The following KLHL5 variants were observed in gnomAD, a reference collection of about 807,000 sequenced individuals.
KLHL5 encodes kelch like family member 5.
A neutral mutation model predicts 77.7 loss-of-function variants in KLHL5; 48 were observed. The observed-to-expected ratio is 0.62, with a 90% CI of 0.49 to 0.79. The LOEUF (loss-of-function observed/expected upper bound fraction) is 0.79. Among genes scored for constraint, KLHL5 ranks in the 30% least tolerant of loss-of-function variants. The pLI is 0.00. For missense variants in KLHL5, 723 were observed against 859.7 expected, an observed-to-expected ratio of 0.84 and a Z score of 1.99; for synonymous variants, 260 against 297.0, an observed-to-expected ratio of 0.88 and a Z score of 1.28.
At chr4:39,103,601 G>A in intron 7 of KLHL5, 90 bp downstream of exon 7, 2 of 990,116 alleles carry the variant, frequency 2.0e-6, no homozygotes, top group South Asian at 2.8e-5. Flanking sequence ...CCGTGTGGCA[G>A]CCACTGCGTC....
At chr4:39,119,004 A>G (rs1474237469) in intron 10 of KLHL5, among the ~76,000 whole-genome samples, 1 of 152,190 alleles carries the variant, frequency 6.6e-6, no homozygotes, top group Non-Finnish European at 1.5e-5. Context: ...ACCTAATATC[A>G]GCTTCCCACT....
chr4:39,068,536 G>A (rs1044740714), intron 1 of KLHL5, among the ~76,000 whole-genome samples: 30 of 151,942 alleles, frequency 2.0e-4, no homozygotes, highest in African/African-American at 7.2e-4. Context: ...ATCCATCAAA[G>A]TTCTTAGTTT....
chr4:39,073,669 G>A (rs1718706813), intron 1 of KLHL5, among the ~76,000 whole-genome samples: 1 of 151,604 alleles, frequency 6.6e-6, no homozygotes, highest in Non-Finnish European at 1.5e-5. Flanking sequence ...TTTTGAGATG[G>A]AGTCTCACTC....
upstream of KLHL5, among the ~76,000 whole-genome samples, chr4:39,058,016 A>G (rs1402002191): frequency 6.6e-6 from 1 of 152,168 alleles, no homozygotes; most frequent in African/African-American, 2.4e-5. Flanking sequence ...CACAGACAAG[A>G]TTTGAGCGGT....
At chr4:39,068,437 C>CTGTG (rs71192818) in intron 1 of KLHL5, among the ~76,000 whole-genome samples, 62,638 of 147,738 alleles carry the variant, frequency 0.42, 13,833 homozygotes, top group Admixed American at 0.52. Context: ...CCAGAAAACA[C>CTGTG]TGTGTGTGTG....
At chr4:39,129,705 T>C (rs1283044987), downstream of KLHL5, among the ~76,000 whole-genome samples, 1 of 152,236 alleles carries the variant, frequency 6.6e-6, no homozygotes, top group Non-Finnish European at 1.5e-5. This position sits in a 1 kb window ranked among gnomAD's most constrained non-coding sequence, Gnocchi z 4.2. Context: ...TCCATCTTTA[T>C]GTCCTTTATA....
At chr4:39,096,452 A>G (rs1203087583) in intron 5 of KLHL5, among the ~76,000 whole-genome samples, 1 of 152,206 alleles carries the variant, frequency 6.6e-6, no homozygotes, top group Non-Finnish European at 1.5e-5. Flanking sequence ...CCTACTACCC[A>G]GAGATAAGCA....
chr4:39,056,284 G>A (rs192825492), intron 1 of KLHL5, among the ~76,000 whole-genome samples: 8 of 152,256 alleles, frequency 5.3e-5, no homozygotes, highest in African/African-American at 1.9e-4. Flanking sequence ...ACTAATTTTT[G>A]TATTTTTGTA....
intron 5 of KLHL5, 46 bp from the exon 6 acceptor site, chr4:39,096,646 C>A (rs1489947084): frequency 7.6e-7 from 1 of 1,314,978 alleles, no homozygotes; most frequent in East Asian, 2.4e-5. Context: ...GTAAACCCTA[C>A]CATTTTCTTA....
intron 5 of KLHL5, among the ~76,000 whole-genome samples, chr4:39,090,951 C>T (rs973213721): frequency 6.7e-6 from 1 of 150,224 alleles, no homozygotes; most frequent in African/African-American, 2.4e-5. Flanking sequence ...TACAGACACA[C>T]ACCACCAACA....
chr4:39,081,418 G>C lies in KLHL5; in HGVS notation c.703+179G>C. On this transcript the variant is annotated intron_variant, in intron 3 of 10. Transcript: ENST00000504108. The surrounding 1 kb of genome is among the most constrained non-coding windows in gnomAD (Gnocchi z 4.3). The stretch of plus-strand genomic sequence containing the variant: ...TTTCCATACTAAAACCTTTAAAATG[G>C]TTATCATAATTAAGTTTTTGAATGG... 6.6e-6 allele frequency among the ~76,000 whole-genome samples: 1 copy of C among 151,968 alleles called. No individual in the cohort carries two copies. Among genetic ancestry groups the C allele is most frequent in the East Asian group, 1.9e-4 (1 of 5,192 alleles).
chr4:39,113,085 A>G lies in KLHL5; in HGVS notation c.1754A>G (p.His585Arg). 1 of 1,614,050 alleles carries G rather than the reference A, an allele frequency of 6.2e-7. No homozygotes were observed. The highest frequency in any genetic ancestry group is 8.5e-7 in the Non-Finnish European group (1 of 1,179,966). ...AAATCAGTAGAATGTTTTGATCCTC[A>G]TACTAATAAGTGGACACTGTGTGCA... is the stretch of plus-strand genomic sequence containing the variant. ...CLKSVECFDP[H>R]TNKWTLCAQM... is the part of the protein sequence containing the mutation. Residue 585 changes from histidine to arginine, a missense_variant, in exon 9 of 11, where the codon CAT becomes CGT. Physicochemically the swap from His to Arg is conservative, Grantham distance 29. Transcript: ENST00000504108.
rs553215287 is a variant in KLHL5 at position 39,098,572 on chromosome 4, T to A, written c.1300+1694T>A. 3.8e-4 allele frequency among the ~76,000 whole-genome samples: 57 copies of A among 148,482 alleles called. 1 individual carries two copies. The highest frequency in any genetic ancestry group is 1.3e-3 in the African/African-American group (54 of 40,330). Reference sequence around the variant, plus strand: ...ATGAACCAGCGCACCGGGCCACAACTTTTTTTTTTGAGATGGAGTCTCGCT... The same window carrying A: ...ATGAACCAGCGCACCGGGCCACAACATTTTTTTTTGAGATGGAGTCTCGCT... On this transcript the variant is annotated intron_variant, in intron 6 of 10. Transcript: ENST00000504108.
At position 39,124,288 on chromosome 4, in the gene KLHL5, T is replaced by A. The variant is rs1473533524; in HGVS notation, c.*3222T>A. On this transcript the variant is annotated 3_prime_UTR_variant, in exon 11 of 11. Coordinates refer to ENST00000504108, the MANE Select transcript of KLHL5 (RefSeq NM_015990.5). Reference sequence around the variant, plus strand: ...CCCCATTAAAATTCCAGTGACCCTTTTACAGAAACTGAAAAGCTGACCCTA... The same window carrying A: ...CCCCATTAAAATTCCAGTGACCCTTATACAGAAACTGAAAAGCTGACCCTA... Among the ~76,000 whole-genome samples the A allele has an allele frequency of 6.6e-6, 1 of 152,146 alleles. No individual in the cohort carries two copies. The highest frequency in any genetic ancestry group is 2.4e-5 in the African/African-American group (1 of 41,424).
chr4:39,045,212 A>G, intron 1 of KLHL5: 6 of 970,908 alleles, frequency 6.2e-6, no homozygotes, highest in Non-Finnish European at 7.3e-6. Flanking sequence ...GCGGGGCGCG[A>G]AGACGCTGCC....
At position 39,062,387 on chromosome 4, in the gene KLHL5, G is replaced by A; in HGVS notation, c.-266G>A. ...GGAGAGCCGGGAAAGTGGTCTAGCT[G>A]CTTCAGGATAGGTGGATGAGAGTTT... On this transcript the variant is annotated 5_prime_UTR_variant, in exon 1 of 11. Transcript: ENST00000504108. 6.9e-7 allele frequency: 1 copy of A among 1,451,688 alleles called. No homozygotes were observed. Among genetic ancestry groups the A allele is most frequent in the Non-Finnish European group, 9.0e-7 (1 of 1,109,628 alleles). 89.9% of individuals were successfully genotyped at this position (1,451,688 alleles called of 1,614,324 possible).
At chr4:39,100,896 G>A (rs976457341) in intron 6 of KLHL5, among the ~76,000 whole-genome samples, 1 of 151,942 alleles carries the variant, frequency 6.6e-6, no homozygotes, top group African/African-American at 2.4e-5. Flanking sequence ...GTTTGCCTTA[G>A]TCGGTTGGTA....
the KLHL5 span, among the ~76,000 whole-genome samples, chr4:39,141,304 C>CTTTTTTTTTTTTTTTTT: frequency 2.6e-5 from 2 of 75,616 alleles, no homozygotes; most frequent in Non-Finnish European, 5.0e-5. Flanking sequence ...ATTTTTTAGT[C>CTTTTTTTTTTTTTTTTT]TTTTTTTTTT....
the KLHL5 span, among the ~76,000 whole-genome samples, chr4:39,142,174 T>C: frequency 6.6e-6 from 1 of 152,182 alleles, no homozygotes; most frequent in South Asian, 2.1e-4. Flanking sequence ...ATACAGTATA[T>C]TCAAACTCAA....
Sources: gnomAD v4.1 joint callset for allele counts (sites outside exome capture counted in the v4.1 genomes callset) on GRCh38, gnomAD v4.1.1 for gene constraint, Gnocchi (gnomAD v3.1) non-coding constraint, MANE v1.5 for transcripts, NCBI Gene and HGNC (gene_info 2026-07-23, HGNC 2026-07-21) for gene names.